GDF11: variants seen among roughly 807,000 people sequenced by gnomAD.
GDF11 encodes growth/differentiation factor 11.
A neutral mutation model predicts 34.4 loss-of-function variants in GDF11; 12 were observed. The ratio of observed to expected loss-of-function variants is 0.35; its 90% CI spans 0.22 to 0.57. GDF11 has a LOEUF of 0.57. GDF11 is among the 20% of genes least tolerant of loss of function. The pLI is 0.86. For synonymous variants in GDF11, 212 were observed against 231.1 expected (o/e 0.92, Z 0.75); for missense variants, 346 against 548.2 (o/e 0.63, Z 3.68).
At position 55,748,944 on chromosome 12, in the gene GDF11, C is replaced by T. The variant is rs780552874; in HGVS notation, c.804C>T (p.Asp268=). 6.2e-7 allele frequency: 1 copy of T among 1,601,852 alleles called. No homozygotes were observed. The highest frequency in any genetic ancestry group is 1.1e-5 in the South Asian group (1 of 90,974). ...EINAFDPSGT[D]LAVTSLGPGA... ...ACGCCTTTGATCCCAGTGGCACAGA[C>T]CTGGCTGTCACCTCCCTGGGGCCGG... Residue 268 remains aspartate, a synonymous_variant, in exon 2 of 3, where the codon GAC becomes GAT. Coordinates refer to ENST00000257868, the MANE Select transcript of GDF11 (RefSeq NM_005811.5). This position sits in a 1 kb window ranked among gnomAD's most constrained non-coding sequence, Gnocchi z 5.6.
Position 55,749,659 on chromosome 12 carries a change from A to G in GDF11, c.1001A>G (p.Lys334Arg). Reference sequence around the variant, plus strand: ...GGCTGGGACTGGATCATCGCACCTAAGCGCTACAAGGCCAACTACTGCTCC... The same window carrying G: ...GGCTGGGACTGGATCATCGCACCTAGGCGCTACAAGGCCAACTACTGCTCC... Reference protein sequence around the residue: ...AFGWDWIIAPKRYKANYCSGQ... With the variant: ...AFGWDWIIAPRRYKANYCSGQ... The change falls in exon 3 of 3, where the codon AAG becomes AGG. Residue 334 changes from lysine (K) to arginine (R), a missense_variant. By Grantham distance (26) the Lys-to-Arg change is conservative (BLOSUM62 2). Transcript: ENST00000257868. This position sits in a 1 kb window ranked among gnomAD's most constrained non-coding sequence, Gnocchi z 5.6. The G allele has an allele frequency of 6.2e-7, 1 of 1,614,088 alleles. No homozygotes were observed. Among genetic ancestry groups the G allele is most frequent in the Non-Finnish European group, 8.5e-7 (1 of 1,180,010 alleles).
rs1878279835 is a variant in GDF11 at position 55,750,282 on chromosome 12, C to G, written c.*400C>G. ...TGGAGTAATAAATGAAAGCCCCACA[C>G]CAAGCCTCCTTTCTTCCACTGGCAA... On this transcript the variant is annotated 3_prime_UTR_variant, in exon 3 of 3. Transcript: ENST00000257868. 5.8e-6 allele frequency: 1 copy of G among 171,950 alleles called. No individual in the cohort carries two copies. The highest frequency in any genetic ancestry group is 6.1e-5 in the Admixed American group (1 of 16,486). 10.7% of individuals were successfully genotyped at this position (171,950 alleles called of 1,614,324 possible).
Position 55,748,965 on chromosome 12 carries a change from G to A in GDF11, c.825G>A (p.Gly275=), listed in dbSNP as rs528645921. The A allele has an allele frequency of 6.3e-6, 10 of 1,598,964 alleles. No homozygotes were observed. In the East Asian group the frequency reaches 2.0e-4, roughly 32 times the overall value. Residue 275 remains glycine, a synonymous_variant, in exon 2 of 3, where the codon GGG becomes GGA. Coordinates refer to ENST00000257868, the MANE Select transcript of GDF11 (RefSeq NM_005811.5). This position sits in a 1 kb window ranked among gnomAD's most constrained non-coding sequence, Gnocchi z 5.6. ...SGTDLAVTSL[G]PGAEGLHPFM... is the part of the protein sequence containing the mutation. ...CAGACCTGGCTGTCACCTCCCTGGG[G>A]CCGGGAGCCGAGGGGCTGGTGAGCA...
rs752542978 is a variant in GDF11 at position 55,749,925 on chromosome 12, GACCCCTAGCCCTGCCCCCATCCCCCCA to G, written c.*45_*71del. On this transcript the variant is annotated 3_prime_UTR_variant, in exon 3 of 3. Transcript: ENST00000257868. This position sits in a 1 kb window ranked among gnomAD's most constrained non-coding sequence, Gnocchi z 5.6. ...GCCTCCCCCACAGACCCTACCCCAA[GACCCCTAGCCCTGCCCCCATCCCCCCA>G]AGCCCTAGAGCTCCCTCCACTCTTC... 5 of 1,544,988 alleles carry G rather than the reference GACCCCTAGCCCTGCCCCCATCCCCCCA, an allele frequency of 3.2e-6. No homozygotes were observed. Among genetic ancestry groups the G allele is most frequent in the Non-Finnish European group, 4.4e-6 (5 of 1,133,848 alleles).
chr12:55,755,471 A>G lies in GDF11; in HGVS notation c.*5589A>G, dbSNP rs1253075962. 1 of 152,234 alleles carries G rather than the reference A, an allele frequency of 6.6e-6. No homozygotes were observed. The highest frequency in any genetic ancestry group is 2.4e-5 in the African/African-American group (1 of 41,448). The allele number at this position is 152,234 out of a possible 1,614,324, so 9.4% of individuals were successfully genotyped here. ...TTAAGAGCTTCCAGGTATGCAGAGA[A>G]TGTCACAGCTTCAGGAATTGGAATC... On this transcript the variant is annotated 3_prime_UTR_variant, in exon 3 of 3. Coordinates refer to ENST00000257868, the MANE Select transcript of GDF11 (RefSeq NM_005811.5).
chr12:55,746,940 G>T (rs375892980), intron 1 of GDF11, among the ~76,000 whole-genome samples: 1 of 152,306 alleles, frequency 6.6e-6, no homozygotes, highest in East Asian at 1.9e-4. Flanking sequence ...TGGGAGTTTA[G>T]GGAGTTCATT....
rs1878091589 is a variant in GDF11 at position 55,743,230 on chromosome 12, C to T, written c.-87C>T. The T allele has an allele frequency of 7.9e-6, 3 of 382,018 alleles. No homozygotes were observed. The highest frequency in any genetic ancestry group is 1.0e-4 in the South Asian group (1 of 9,736). The allele number at this position is 382,018 out of a possible 1,614,324, so 23.7% of individuals were successfully genotyped here. A position where few individuals can be genotyped will look rare whatever the true frequency, so the allele number is the denominator to read the frequency against. On this transcript the variant is annotated 5_prime_UTR_variant, in exon 1 of 3. Transcript: ENST00000257868. ...CCCAATCCCGCGCCGCCCGGACCCC[C>T]TCCTCCTCCCTCCCTCCTCCCTCCG... is the stretch of plus-strand genomic sequence containing the variant.
rs1483629904 is a variant in GDF11, at chr12:55,753,400, G to GTACC, written c.*3521_*3524dup. On this transcript the variant is annotated 3_prime_UTR_variant, in exon 3 of 3. Coordinates refer to ENST00000257868, the MANE Select transcript of GDF11 (RefSeq NM_005811.5). ...AGTTCACTGTAAAAATTTTTCCCATGTACCTAGAGCACAATTCCCCAGGAA... is the reference window on the plus strand; with the variant it reads ...AGTTCACTGTAAAAATTTTTCCCATGTACCTACCTAGAGCACAATTCCCCAGGAA... The GTACC allele has an allele frequency of 6.6e-6, 1 of 152,104 alleles. No individual in the cohort carries two copies. Among genetic ancestry groups the GTACC allele is most frequent in the Admixed American group, 6.5e-5 (1 of 15,276 alleles). The allele number at this position is 152,104 out of a possible 1,614,324, so 9.4% of individuals were successfully genotyped here.
Position 55,753,359 on chromosome 12 carries a change from T to A in GDF11, c.*3477T>A, listed in dbSNP as rs575636447. On this transcript the variant is annotated 3_prime_UTR_variant, in exon 3 of 3. Coordinates refer to ENST00000257868, the MANE Select transcript of GDF11 (RefSeq NM_005811.5). The stretch of plus-strand genomic sequence containing the variant: ...TTACACAAGAGTGGCTAAAATAGCA[T>A]CTCAAATATTCTTTCAGTTCACTGT... 1 of 152,310 alleles carries A rather than the reference T, an allele frequency of 6.6e-6. No individual in the cohort carries two copies. The highest frequency in any genetic ancestry group is 6.5e-5 in the Admixed American group (1 of 15,294). The allele number at this position is 152,310 out of a possible 1,614,324, so 9.4% of individuals were successfully genotyped here. A position where few individuals can be genotyped will look rare whatever the true frequency, so the allele number is the denominator to read the frequency against.
chr12:55,743,859 G>A lies in GDF11; in HGVS notation c.445+98G>A, dbSNP rs565621078. 1.5e-5 allele frequency: 15 copies of A among 1,017,470 alleles called. No homozygotes were observed. In the African/African-American group the frequency reaches 2.3e-4, roughly 15 times the overall value. 63.0% of individuals were successfully genotyped at this position (1,017,470 alleles called of 1,614,324 possible). A position where few individuals can be genotyped will look rare whatever the true frequency, so the allele number is the denominator to read the frequency against. Reference sequence around the variant, plus strand: ...GGGGCGCTCCCTGCTGCCCCGGCCCGGAAGCTTTTTCTGCGAAAACTTGAC... The same window carrying A: ...GGGGCGCTCCCTGCTGCCCCGGCCCAGAAGCTTTTTCTGCGAAAACTTGAC... On this transcript the variant is annotated intron_variant, in intron 1 of 2. Transcript: ENST00000257868.
chr12:55,754,754 A>G lies in GDF11; in HGVS notation c.*4872A>G, dbSNP rs531505050. On this transcript the variant is annotated 3_prime_UTR_variant, in exon 3 of 3. Transcript: ENST00000257868. ...TGTGAATACATGATATGAGAATATCACTTAATTCACACAGCAACCTTCACA... is the reference window on the plus strand; with the variant it reads ...TGTGAATACATGATATGAGAATATCGCTTAATTCACACAGCAACCTTCACA... 5 of 152,256 alleles carry G rather than the reference A, an allele frequency of 3.3e-5. No homozygotes were observed. Among genetic ancestry groups the G allele is most frequent in the Non-Finnish European group, 7.3e-5 (5 of 68,038 alleles). 9.4% of individuals were successfully genotyped at this position (152,256 alleles called of 1,614,324 possible).
intron 1 of GDF11, among the ~76,000 whole-genome samples, chr12:55,746,812 G>A (rs1878194760): frequency 6.6e-6 from 1 of 152,244 alleles, no homozygotes; most frequent in South Asian, 2.1e-4. Context: ...TGGTGAGTAA[G>A]GTTAGATAGT....
chr12:55,754,926 T>C lies in GDF11; in HGVS notation c.*5044T>C, dbSNP rs1878458074. 1 of 151,946 alleles carries C rather than the reference T, an allele frequency of 6.6e-6. No individual in the cohort carries two copies. The highest frequency in any genetic ancestry group is 1.5e-5 in the Non-Finnish European group (1 of 68,002). 9.4% of individuals were successfully genotyped at this position (151,946 alleles called of 1,614,324 possible). A position where few individuals can be genotyped will look rare whatever the true frequency, so the allele number is the denominator to read the frequency against. ...ATCCTATTGAAAGTGATCCGGGAGG[T>C]AGAAACCTAAATACAGGAATAACAT... On this transcript the variant is annotated 3_prime_UTR_variant, in exon 3 of 3. Transcript: ENST00000257868.
rs751736098 is a variant in GDF11, at chr12:55,749,992, C to T, written c.*110C>T. ...CTCCACTCTTCCCGCGAACATCACACCGTTCCCCGACCAAGCCGTGTGCAA... is the reference window on the plus strand; with the variant it reads ...CTCCACTCTTCCCGCGAACATCACATCGTTCCCCGACCAAGCCGTGTGCAA... On this transcript the variant is annotated 3_prime_UTR_variant, in exon 3 of 3. Coordinates refer to ENST00000257868, the MANE Select transcript of GDF11 (RefSeq NM_005811.5). This position sits in a 1 kb window ranked among gnomAD's most constrained non-coding sequence, Gnocchi z 5.6. 5.5e-5 allele frequency: 52 copies of T among 949,942 alleles called. No homozygotes were observed. The highest frequency in any genetic ancestry group is 7.3e-5 in the Non-Finnish European group (46 of 632,056). The allele number at this position is 949,942 out of a possible 1,614,324, so 58.8% of individuals were successfully genotyped here. A position where few individuals can be genotyped will look rare whatever the true frequency, so the allele number is the denominator to read the frequency against.
rs1315870748 is a variant in GDF11, at chr12:55,755,936, G to A, written c.*6054G>A. Reference sequence around the variant, plus strand: ...TTTCTGGAAGGTTATAGAGGATAAAGAGACGAAGAAAACTTCCAAAAGATC... The same window carrying A: ...TTTCTGGAAGGTTATAGAGGATAAAAAGACGAAGAAAACTTCCAAAAGATC... On this transcript the variant is annotated 3_prime_UTR_variant, in exon 3 of 3. Transcript: ENST00000257868. 1.1e-3 allele frequency: 4 copies of A among 3,726 alleles called. No homozygotes were observed. The highest frequency in any genetic ancestry group is 1.4e-3 in the Non-Finnish European group (4 of 2,782). The allele number at this position is 3,726 out of a possible 1,614,324, so 0.2% of individuals were successfully genotyped here.
intron 1 of GDF11, among the ~76,000 whole-genome samples, chr12:55,744,311 C>T (rs1389896444): frequency 2.6e-5 from 4 of 151,594 alleles, no homozygotes; most frequent in African/African-American, 9.8e-5. Flanking sequence ...GGCACCCTTT[C>T]CATCCTGACC....
At position 55,743,424 on chromosome 12, in the gene GDF11, GGCGGCGGCA is replaced by G. The variant is rs1328652957; in HGVS notation, c.116_124del (p.Ala39_Ala41del). Reference sequence around the variant, plus strand: ...CCGCGGCGGCGGCGGCGGCGGCGGCGGCGGCGGCAGCGGCGGGGGTCGGGGGGGAGCGCT... The same window carrying G: ...CCGCGGCGGCGGCGGCGGCGGCGGCGGCGGCGGGGGTCGGGGGGGAGCGCT... On this transcript the variant is annotated inframe_deletion, in exon 1 of 3. Transcript: ENST00000257868. 2 of 1,078,190 alleles carry G rather than the reference GGCGGCGGCA, an allele frequency of 1.9e-6. No individual in the cohort carries two copies. The highest frequency in any genetic ancestry group is 2.2e-6 in the Non-Finnish European group (2 of 890,968). The allele number at this position is 1,078,190 out of a possible 1,614,324, so 66.8% of individuals were successfully genotyped here. A position where few individuals can be genotyped will look rare whatever the true frequency, so the allele number is the denominator to read the frequency against.
In GDF11 at chr12:55,752,921, C is replaced by T. The variant is rs1878371027; in HGVS notation, c.*3039C>T. The T allele has an allele frequency of 6.6e-6, 1 of 152,168 alleles. No homozygotes were observed. The highest frequency in any genetic ancestry group is 1.5e-5 in the Non-Finnish European group (1 of 68,046). The allele number at this position is 152,168 out of a possible 1,614,324, so 9.4% of individuals were successfully genotyped here. ...TCCCTAATCAAGTGCCACATTTACA[C>T]CTTGGAGAACCGGAGGTGAAGAGGA... is the stretch of plus-strand genomic sequence containing the variant. On this transcript the variant is annotated 3_prime_UTR_variant, in exon 3 of 3. Coordinates refer to ENST00000257868, the MANE Select transcript of GDF11 (RefSeq NM_005811.5).
chr12:55,743,595 C>G lies in GDF11; in HGVS notation c.279C>G (p.Pro93=). Residue 93 remains proline, a synonymous_variant, in exon 1 of 3, where the codon CCC becomes CCG. Coordinates refer to ENST00000257868, the MANE Select transcript of GDF11 (RefSeq NM_005811.5). The part of the protein sequence containing the change: ...ILSKLRLKEA[P]NISREVVKQL... ...GCAAACTGCGGCTCAAGGAGGCGCCCAACATCAGCCGCGAGGTGGTGAAGC... is the reference window on the plus strand; with the variant it reads ...GCAAACTGCGGCTCAAGGAGGCGCCGAACATCAGCCGCGAGGTGGTGAAGC... The G allele has an allele frequency of 6.2e-7, 1 of 1,605,060 alleles. No individual in the cohort carries two copies. Among genetic ancestry groups the G allele is most frequent in the Non-Finnish European group, 8.5e-7 (1 of 1,179,792 alleles).
Sources: allele counts gnomAD v4.1 joint callset (sites outside exome capture counted in the v4.1 genomes callset), GRCh38; gene constraint gnomAD v4.1.1; non-coding constraint Gnocchi (gnomAD v3.1); transcripts MANE v1.5; gene names NCBI Gene and HGNC (gene_info 2026-07-23, HGNC 2026-07-21).